Variants in ZNF695 observed in about 807,000 individuals in gnomAD.
The protein encoded by ZNF695 is zinc finger protein SBZF3.
A neutral mutation model predicts 11.2 loss-of-function variants in ZNF695; 11 were observed. The ratio of observed to expected loss-of-function variants is 0.98; its 90% CI spans 0.62 to 1.62. ZNF695 has a LOEUF of 1.62. Ranked by LOEUF, ZNF695 falls within the 40% of genes most tolerant of loss-of-function variation. ZNF695 has a pLI of 0.00. For synonymous variants in ZNF695, 190 were observed against 201.4 expected, an observed-to-expected ratio of 0.94 and a Z score of 0.48; for missense variants, 559 against 590.5, an observed-to-expected ratio of 0.95 and a Z score of 0.55.
At chr1:246,976,709 G>T (rs1057510412) in intron 4 of ZNF695, among the ~76,000 whole-genome samples, 1 of 152,168 alleles carries the variant, frequency 6.6e-6, no homozygotes, top group East Asian at 1.9e-4. Flanking sequence ...CAGAAGAATG[G>T]CATGAACCCG....
At chr1:246,995,762 G>T (rs1298725706) in intron 3 of ZNF695, among the ~76,000 whole-genome samples, 1 of 142,334 alleles carries the variant, frequency 7.0e-6, no homozygotes, top group African/African-American at 2.6e-5. Flanking sequence ...GCAGTGAGCC[G>T]AGATCGCACC....
Position 246,986,951 on chromosome 1 carries a change from A to T in ZNF695, c.*16T>A. The T allele has an allele frequency of 6.5e-7, 1 of 1,548,582 alleles. No individual in the cohort carries two copies. Among genetic ancestry groups the T allele is most frequent in the South Asian group, 1.3e-5 (1 of 78,094 alleles). ...TTAAAGACTATGCCATATTGTTTAG[A>T]ATTGTAGGGTTTTTCTCAGGTATGA... On this transcript the variant is annotated 3_prime_UTR_variant, in exon 4 of 4. Transcript: ENST00000339986.
At chr1:246,983,905 C>T (rs1668774263), downstream of ZNF695, among the ~76,000 whole-genome samples, 1 of 151,744 alleles carries the variant, frequency 6.6e-6, no homozygotes, top group South Asian at 2.1e-4. Flanking sequence ...CCTATAATCC[C>T]AGCACTTTAG....
chr1:246,989,048 C>G (rs371250839), intron 3 of ZNF695, among the ~76,000 whole-genome samples: 4 of 146,486 alleles, frequency 2.7e-5, no homozygotes, highest in Non-Finnish European at 6.0e-5. Context: ...GAGCCAAGAT[C>G]GCGCCACTGC....
At chr1:247,004,830 C>T (rs553678422) in intron 1 of ZNF695, among the ~76,000 whole-genome samples, 7 of 152,088 alleles carry the variant, frequency 4.6e-5, no homozygotes, top group African/African-American at 9.7e-5. Context: ...ATCCCACTTA[C>T]GATAGCAACA....
At chr1:246,978,698 G>A (rs1004320839) in intron 4 of ZNF695, among the ~76,000 whole-genome samples, 7 of 152,180 alleles carry the variant, frequency 4.6e-5, no homozygotes, top group Non-Finnish European at 8.8e-5. Flanking sequence ...TACGGCTCAG[G>A]TACTGCAGAG....
At position 246,987,084 on chromosome 1, in the gene ZNF695, T is replaced by C; in HGVS notation, c.1431A>G (p.Ser477=). ...GAATTGTCTTATGTTTAGAAAGGTG[T>C]GAGCTCTGGCCAAAGGCTTTGCCAC... is the stretch of plus-strand genomic sequence containing the variant. The part of the protein sequence containing the change: ...EECGKAFGQS[S]HLSKHKTIHT... Residue 477 remains serine, a synonymous_variant, in exon 4 of 4, where the codon TCA becomes TCG. Coordinates refer to ENST00000339986, the MANE Select transcript of ZNF695 (RefSeq NM_020394.5). 6.2e-7 allele frequency: 1 copy of C among 1,614,090 alleles called. No homozygotes were observed. The highest frequency in any genetic ancestry group is 1.1e-5 in the South Asian group (1 of 91,072).
chr1:246,962,750 T>G (rs1037765015), intron 5 of ZNF695, among the ~76,000 whole-genome samples: 9 of 151,950 alleles, frequency 5.9e-5, no homozygotes, highest in Middle Eastern at 3.4e-3. Context: ...TGCAGTACAG[T>G]GGCACGATCT....
chr1:246,994,471 G>A (rs1236276151), intron 3 of ZNF695, among the ~76,000 whole-genome samples: 1 of 151,940 alleles, frequency 6.6e-6, no homozygotes, highest in Non-Finnish European at 1.5e-5. Context: ...AGCCTGGGAG[G>A]CAGAGGTTGC....
Position 246,988,893 on chromosome 1 carries a change from G to A in ZNF695, c.260-638C>T, listed in dbSNP as rs111758951. Among the ~76,000 whole-genome samples the A allele has an allele frequency of 7.4e-3, 1,117 of 151,736 alleles. 10 individuals are homozygous for A. Among genetic ancestry groups the A allele is most frequent in the South Asian group, 0.017 (84 of 4,802 alleles). ...ATCACGAGGTCAGGAGATCGAGACCGTCCTGGCCAACACAGTGAAACCCCA... is the reference window on the plus strand; with the variant it reads ...ATCACGAGGTCAGGAGATCGAGACCATCCTGGCCAACACAGTGAAACCCCA... On this transcript the variant is annotated intron_variant, in intron 3 of 3. Coordinates refer to ENST00000339986, the MANE Select transcript of ZNF695 (RefSeq NM_020394.5).
intron 5 of ZNF695, among the ~76,000 whole-genome samples, chr1:246,961,257 C>T (rs1215325894): frequency 6.6e-6 from 1 of 152,186 alleles, no homozygotes; most frequent in African/African-American, 2.4e-5. Flanking sequence ...GTTATATATG[C>T]ATTCAAAGCC....
chr1:247,005,773 T>C (rs1669514527), intron 1 of ZNF695, among the ~76,000 whole-genome samples: 1 of 152,148 alleles, frequency 6.6e-6, no homozygotes, highest in Admixed American at 6.6e-5. Context: ...CAAAATGGAT[T>C]AAAGACGTAA....
At chr1:246,953,650 G>A (rs971905724) in intron 5 of ZNF695, among the ~76,000 whole-genome samples, 7 of 151,236 alleles carry the variant, frequency 4.6e-5, no homozygotes, top group African/African-American at 1.2e-4. Context: ...TGGGCCCTGC[G>A]TAGTGGCTCA....
At chr1:246,973,976 G>A (rs1424902786) in intron 4 of ZNF695, among the ~76,000 whole-genome samples, 1 of 152,112 alleles carries the variant, frequency 6.6e-6, no homozygotes, top group Non-Finnish European at 1.5e-5. Context: ...TTGCCTGTCA[G>A]TGGTTTCCTT....
intron 5 of ZNF695, among the ~76,000 whole-genome samples, chr1:246,966,242 A>C (rs1211033414): frequency 6.6e-6 from 1 of 152,132 alleles, no homozygotes; most frequent in Non-Finnish European, 1.5e-5. Context: ...TAATCTCAGC[A>C]CATTGGGAGG....
chr1:246,957,069 C>G (rs1246375536), intron 5 of ZNF695, among the ~76,000 whole-genome samples: 1 of 152,116 alleles, frequency 6.6e-6, no homozygotes, highest in African/African-American at 2.4e-5. Context: ...TTGTACTACT[C>G]TTTCAAGTTT....
At chr1:246,956,373 T>TG (rs1192498953) in intron 5 of ZNF695, among the ~76,000 whole-genome samples, 2 of 149,380 alleles carry the variant, frequency 1.3e-5, no homozygotes, top group African/African-American at 4.9e-5. Context: ...CCCAGCACTC[T>TG]GGGAGGCTGA....
intron 4 of ZNF695, among the ~76,000 whole-genome samples, chr1:246,977,197 AT>A (rs1177296384): frequency 6.6e-6 from 1 of 152,248 alleles, no homozygotes; most frequent in Non-Finnish European, 1.5e-5. Context: ...GCCCACTGGT[AT>A]TTTAATGGCT....
At chr1:246,999,781 C>T in intron 2 of ZNF695, 131 bp downstream of exon 2, 1 of 889,418 alleles carries the variant, frequency 1.1e-6, no homozygotes, top group South Asian at 1.8e-5. Context: ...CAAGGCAAAA[C>T]ATCTTGAAAG....
Sources: allele counts gnomAD v4.1 joint callset (sites outside exome capture counted in the v4.1 genomes callset), GRCh38; gene constraint gnomAD v4.1.1; transcripts MANE v1.5; gene names NCBI Gene and HGNC (gene_info 2026-07-23, HGNC 2026-07-21).